The following CACNB4 variants were observed in gnomAD, a reference collection of about 807,000 sequenced individuals.
CACNB4 encodes the protein calcium voltage-gated channel auxiliary subunit beta 4, also known as voltage-dependent L-type calcium channel subunit beta-4.
In CACNB4, 32 loss-of-function variants were observed where a neutral mutation model predicts 71.2. The ratio of observed to expected loss-of-function variants is 0.45; its 90% confidence interval spans 0.34 to 0.60. The LOEUF (loss-of-function observed/expected upper bound fraction) is 0.60. CACNB4 is among the 20% of genes least tolerant of loss of function. The probability of loss-of-function intolerance (pLI) is 0.01; values close to 1 mark genes in which losing one functional copy is unlikely to be tolerated. For synonymous variants in CACNB4, 231 were observed against 236.9 expected, an observed-to-expected ratio of 0.97 and a Z score of 0.23; for missense variants, 464 against 647.9, an observed-to-expected ratio of 0.72 and a Z score of 3.08.
intron 12 of CACNB4, among the ~76,000 whole-genome samples, chr2:151,846,835 A>G (rs981973161): frequency 3.9e-5 from 6 of 152,140 alleles, no homozygotes; most frequent in African/African-American, 1.4e-4. Context: ...GATTACAGGC[A>G]TGAGCCACTG....
rs1429906911 is a variant in CACNB4, at chr2:152,098,647, C to G, written c.64-234G>C. 1.9e-6 allele frequency: 3 copies of G among 1,573,792 alleles called. No homozygotes were observed. Among genetic ancestry groups the G allele is most frequent in the Non-Finnish European group, 1.7e-6 (2 of 1,159,666 alleles). ...GCAGCCCGCAAGCACCCACCACATC[C>G]ATTAACAAAGACTCTCAGGGTGCGG... On this transcript the variant is annotated intron_variant, in intron 1 of 13. Transcript: ENST00000539935. The surrounding 1 kb of genome is among the most constrained non-coding windows in gnomAD (Gnocchi z 5.3).
At chr2:151,876,682 CT>C in intron 4 of CACNB4, 126 bp from the exon 5 acceptor site, 1 of 480,436 alleles carries the variant, frequency 2.1e-6, no homozygotes, top group Non-Finnish European at 3.5e-6. Flanking sequence ...TTTATATAAA[CT>C]ATATTTTATA....
At chr2:151,860,687 A>G in intron 10 of CACNB4, 24 bp downstream of exon 10, 1 of 1,466,192 alleles carries the variant, frequency 6.8e-7, no homozygotes, top group Non-Finnish European at 9.6e-7. Context: ...CAGCTTGAAG[A>G]AGTACCACAT....
At chr2:151,936,633 C>T (rs2099862984) in intron 2 of CACNB4, among the ~76,000 whole-genome samples, 1 of 152,210 alleles carries the variant, frequency 6.6e-6, no homozygotes, top group African/African-American at 2.4e-5. Context: ...GGTCATTTGC[C>T]TATCACCTGC....
intron 2 of CACNB4, among the ~76,000 whole-genome samples, chr2:151,993,966 G>A (rs1042221804): frequency 9.2e-5 from 14 of 151,760 alleles, no homozygotes; most frequent in Non-Finnish European, 1.8e-4. Context: ...GAGCCCAGGA[G>A]TTTGAGACCA....
intron 2 of CACNB4, chr2:151,968,839 G>T (rs180719031): frequency 1.3e-5 from 2 of 152,158 alleles, no homozygotes; most frequent in African/African-American, 2.4e-5. Context: ...AGTACCTGGC[G>T]AGGATTGATC....
intron 2 of CACNB4, among the ~76,000 whole-genome samples, chr2:152,002,703 G>A (rs1230763124): frequency 1.3e-5 from 2 of 152,184 alleles, no homozygotes; most frequent in Non-Finnish European, 2.9e-5. Flanking sequence ...GTAACCACAT[G>A]TGATAGTGTG....
At chr2:151,915,683 A>G (rs1049617476) in intron 2 of CACNB4, among the ~76,000 whole-genome samples, 3 of 152,116 alleles carry the variant, frequency 2.0e-5, no homozygotes, top group African/African-American at 7.2e-5. Flanking sequence ...TCTCTACTAA[A>G]AAATACAAAA....
At chr2:152,024,847 G>A (rs1027675105) in intron 2 of CACNB4, among the ~76,000 whole-genome samples, 6 of 152,212 alleles carry the variant, frequency 3.9e-5, no homozygotes, top group Non-Finnish European at 8.8e-5. Flanking sequence ...CCTGAGGTCA[G>A]GAGTTCAAGA....
At chr2:152,071,753 G>A (rs1275219746) in intron 2 of CACNB4, among the ~76,000 whole-genome samples, 1 of 152,166 alleles carries the variant, frequency 6.6e-6, no homozygotes, top group African/African-American at 2.4e-5. Context: ...GGTATCTTTA[G>A]TACCTTATAA....
intron 2 of CACNB4, among the ~76,000 whole-genome samples, chr2:152,079,093 TTTG>T (rs1687197878): frequency 6.6e-6 from 1 of 151,822 alleles, no homozygotes; most frequent in African/African-American, 2.4e-5. Context: ...TGTTGTTATT[TTTG>T]TTGTTGTTTT....
intron 2 of CACNB4, among the ~76,000 whole-genome samples, chr2:152,047,283 A>G (rs1276246661): frequency 6.6e-6 from 1 of 152,146 alleles, no homozygotes; most frequent in Non-Finnish European, 1.5e-5. Context: ...ACAGACCTCA[A>G]ATAAGGGGGA....
intron 2 of CACNB4, among the ~76,000 whole-genome samples, chr2:152,085,748 T>A (rs555177659): frequency 6.6e-6 from 1 of 151,860 alleles, no homozygotes; most frequent in Non-Finnish European, 1.5e-5. Flanking sequence ...GTTTTTAACA[T>A]ACGTGTATGT....
intron 2 of CACNB4, among the ~76,000 whole-genome samples, chr2:151,932,157 C>A (rs1359600726): frequency 1.3e-5 from 2 of 151,584 alleles, no homozygotes; most frequent in African/African-American, 4.8e-5. Context: ...ACAATAAGCA[C>A]ATAAAATATA....
intron 2 of CACNB4, among the ~76,000 whole-genome samples, chr2:152,042,648 T>G (rs1036226688): frequency 6.6e-6 from 1 of 151,870 alleles, no homozygotes; most frequent in African/African-American, 2.4e-5. Flanking sequence ...GCACTTTATA[T>G]CTTATGTTCC....
intron 2 of CACNB4, among the ~76,000 whole-genome samples, chr2:151,982,611 C>T (rs1300680559): frequency 3.6e-5 from 5 of 138,856 alleles, no homozygotes; most frequent in South Asian, 2.2e-4. Context: ...CCAGCCTGGA[C>T]GACAGAGCGA....
chr2:151,861,854 A>AAAAAAAAAAAAAAAAAAAAAAAAAC (rs1559883066), intron 9 of CACNB4: 13 of 150,200 alleles, frequency 8.7e-5, no homozygotes, highest in African/African-American at 2.5e-4. Flanking sequence ...AAAAAAAAAA[A>AAAAAAAAAAAAAAAAAAAAAAAAAC]AAAACTGAAG....
At chr2:151,875,737 A>C (rs2099845941) in intron 5 of CACNB4, among the ~76,000 whole-genome samples, 1 of 88,332 alleles carries the variant, frequency 1.1e-5, no homozygotes, top group Non-Finnish European at 2.3e-5. Context: ...ACTTCCCAGT[A>C]GGGGCGGCCG....
intron 12 of CACNB4, among the ~76,000 whole-genome samples, chr2:151,847,433 C>A (rs892403071): frequency 9.2e-5 from 14 of 152,138 alleles, no homozygotes; most frequent in African/African-American, 3.4e-4. Flanking sequence ...AATCAAACGG[C>A]TGAATGGTAC....
Sources: allele counts gnomAD v4.1 joint callset (sites outside exome capture counted in the v4.1 genomes callset), GRCh38; gene constraint gnomAD v4.1.1; non-coding constraint Gnocchi (gnomAD v3.1); transcripts MANE v1.5; gene names NCBI Gene and HGNC (gene_info 2026-07-23, HGNC 2026-07-21).